RASSF8: variants seen among roughly 807,000 people sequenced by gnomAD.
RASSF8 encodes ras association domain-containing protein 8.
In RASSF8, 22 loss-of-function variants were observed where a neutral mutation model predicts 48.5. The observed-to-expected ratio is 0.45, with a 90% confidence interval of 0.32 to 0.65. The LOEUF (loss-of-function observed/expected upper bound fraction) is 0.65. RASSF8 is among the 30% of genes least tolerant of loss of function. The pLI is 0.03. For missense variants in RASSF8, 418 were observed against 489.2 expected (o/e 0.85, Z 1.37); for synonymous variants, 127 against 171.5 (o/e 0.74, Z 2.03).
chr12:26,009,434 A>G (rs973101976), intron 2 of RASSF8, among the ~76,000 whole-genome samples: 1 of 152,166 alleles, frequency 6.6e-6, no homozygotes, highest in Non-Finnish European at 1.5e-5. Flanking sequence ...ACTGGCATTT[A>G]GTGGATGGGT....
rs200867318 is a variant in RASSF8 at position 26,015,042 on chromosome 12, C to CAAA, written c.-109+19921_-109+19923dup. Reference sequence around the variant, plus strand: ...GCAACATAGTGAGACCCCGTCTGTCCAAAAAAAAAAATAGAAATTAGCCAG... The same window carrying CAAA: ...GCAACATAGTGAGACCCCGTCTGTCCAAAAAAAAAAAAAATAGAAATTAGCCAG... On this transcript the variant is annotated intron_variant, in intron 2 of 5. Transcript: ENST00000689635. 3.6e-4 allele frequency among the ~76,000 whole-genome samples: 51 copies of CAAA among 142,306 alleles called. No individual in the cohort carries two copies. In the South Asian group the frequency reaches 7.4e-3, roughly 21 times the overall value. The allele number at this position is 142,306 out of a possible 152,430, so 93.4% of individuals were successfully genotyped here.
At position 26,019,563 on chromosome 12, in the gene RASSF8, C is replaced by CTGTGTG. The variant is rs56895234; in HGVS notation, c.-109+24469_-109+24474dup. Among the ~76,000 whole-genome samples the CTGTGTG allele has an allele frequency of 1.6e-4, 23 of 148,306 alleles. 1 individual carries two copies. Among genetic ancestry groups the CTGTGTG allele is most frequent in the African/African-American group, 5.5e-4 (22 of 40,154 alleles). ...GCTTGTGTGGAAGTTCGGGCATACA[C>CTGTGTG]TGTGTGTGTGTGTGTGTGTGTGTGT... On this transcript the variant is annotated intron_variant, in intron 2 of 5. Transcript: ENST00000689635.
chr12:26,016,206 G>GTT (rs35863199), intron 2 of RASSF8, among the ~76,000 whole-genome samples: 4 of 144,074 alleles, frequency 2.8e-5, no homozygotes, highest in African/African-American at 5.1e-5. Flanking sequence ...CTGTTTTTGG[G>GTT]TTTTTTTTTT....
At chr12:26,019,462 CTG>C (rs762749096) in intron 2 of RASSF8, among the ~76,000 whole-genome samples, 2 of 151,942 alleles carry the variant, frequency 1.3e-5, no homozygotes, top group African/African-American at 2.4e-5. Flanking sequence ...ATTAAAATAA[CTG>C]TGGTGCAACA....
chr12:26,073,952 A>ATG (rs1441566674), downstream of RASSF8, among the ~76,000 whole-genome samples: 4 of 150,934 alleles, frequency 2.7e-5, no homozygotes, highest in East Asian at 1.9e-4. Context: ...TTTCCCATCT[A>ATG]TATATATAGA....
intron 2 of RASSF8, among the ~76,000 whole-genome samples, chr12:26,037,859 C>T (rs764155143): frequency 1.3e-5 from 2 of 152,144 alleles, no homozygotes; most frequent in South Asian, 4.1e-4. Context: ...TTTTCTCAGT[C>T]AGAGACTAAA....
At chr12:25,983,899 A>T (rs1941805620) in intron 1 of RASSF8, among the ~76,000 whole-genome samples, 1 of 152,158 alleles carries the variant, frequency 6.6e-6, no homozygotes, top group Non-Finnish European at 1.5e-5. Flanking sequence ...CAGCCTGTTG[A>T]CAGCCCTTTC....
At chr12:26,013,188 G>A (rs953093629) in intron 2 of RASSF8, among the ~76,000 whole-genome samples, 5 of 152,170 alleles carry the variant, frequency 3.3e-5, no homozygotes, top group African/African-American at 1.2e-4. Flanking sequence ...TCGCTGTGTG[G>A]TGTGTCTGCA....
intron 3 of RASSF8, among the ~76,000 whole-genome samples, chr12:26,057,204 T>TGTAAC (rs1943625875): frequency 6.6e-6 from 1 of 152,050 alleles, no homozygotes; most frequent in African/African-American, 2.4e-5. Flanking sequence ...CATATGTATA[T>TGTAAC]ATGTGCCATG....
At chr12:26,024,899 G>A (rs1462521448) in intron 2 of RASSF8, among the ~76,000 whole-genome samples, 1 of 152,110 alleles carries the variant, frequency 6.6e-6, no homozygotes, top group African/African-American at 2.4e-5. Flanking sequence ...GGAGCTTGCA[G>A]TGAGCCAAGA....
intron 2 of RASSF8, among the ~76,000 whole-genome samples, chr12:26,054,294 T>C (rs796653634): frequency 3.9e-5 from 6 of 152,274 alleles, no homozygotes; most frequent in African/African-American, 1.4e-4. Context: ...AACATTCTTA[T>C]CGATACAGGA....
chr12:25,983,047 A>C (rs994274274), intron 1 of RASSF8, among the ~76,000 whole-genome samples: 4 of 152,194 alleles, frequency 2.6e-5, no homozygotes, highest in Non-Finnish European at 5.9e-5. Context: ...AAGTTTTAAG[A>C]AATTTTAATG....
chr12:26,019,601 GTGTC>G (rs1180376293), intron 2 of RASSF8, among the ~76,000 whole-genome samples: 2 of 136,476 alleles, frequency 1.5e-5, no homozygotes, highest in African/African-American at 6.1e-5. Context: ...GTGTGTGTGT[GTGTC>G]TGTGTGTGTC....
intron 1 of RASSF8, among the ~76,000 whole-genome samples, chr12:25,977,915 G>A (rs1201292772): frequency 6.6e-6 from 1 of 152,200 alleles, no homozygotes; most frequent in African/African-American, 2.4e-5. Context: ...TTTCAAAAGA[G>A]CAGTCACTGA....
rs140046765 is a variant in RASSF8, at chr12:26,062,696, A to AAAAT, written c.104-1786_104-1783dup. 7.2e-5 allele frequency among the ~76,000 whole-genome samples: 11 copies of AAAAT among 152,228 alleles called. 1 individual carries two copies. The highest frequency in any genetic ancestry group is 2.1e-4 in the South Asian group (1 of 4,812). Reference sequence around the variant, plus strand: ...CAGATTGTTGGGCAAGGGAGGGGAAAAAATAAATAAATAAATAAAAGATCA... The same window carrying AAAAT: ...CAGATTGTTGGGCAAGGGAGGGGAAAAAATAAATAAATAAATAAATAAAAGATCA... On this transcript the variant is annotated intron_variant, in intron 3 of 5. Transcript: ENST00000689635.
chr12:26,069,059 C>G lies in RASSF8; in HGVS notation c.*241C>G. 1 of 1,159,592 alleles carries G rather than the reference C, an allele frequency of 8.6e-7. No individual in the cohort carries two copies. Among genetic ancestry groups the G allele is most frequent in the Non-Finnish European group, 1.1e-6 (1 of 938,124 alleles). 71.8% of individuals were successfully genotyped at this position (1,159,592 alleles called of 1,614,324 possible). On this transcript the variant is annotated 3_prime_UTR_variant, in exon 6 of 6. Transcript: ENST00000689635. ...TCCAGCAGCTATAATGCAAAGCCTTCGTTTTTATTTGTAGCATTTTGAGAG... is the reference window on the plus strand; with the variant it reads ...TCCAGCAGCTATAATGCAAAGCCTTGGTTTTTATTTGTAGCATTTTGAGAG...
At chr12:26,024,793 A>G (rs1942867851) in intron 2 of RASSF8, among the ~76,000 whole-genome samples, 1 of 151,546 alleles carries the variant, frequency 6.6e-6, no homozygotes, top group Non-Finnish European at 1.5e-5. Flanking sequence ...TGTCTCTACT[A>G]AAAAATACAA....
At chr12:25,994,278 TAAAAA>T (rs57936692) in intron 1 of RASSF8, among the ~76,000 whole-genome samples, 1,438 of 139,026 alleles carry the variant, frequency 0.01, 15 homozygotes, top group Non-Finnish European at 0.017. Flanking sequence ...GATAGATTTT[TAAAAA>T]AAAAAAAAAT....
At chr12:26,033,642 A>G (rs1943072948) in intron 2 of RASSF8, among the ~76,000 whole-genome samples, 1 of 152,132 alleles carries the variant, frequency 6.6e-6, no homozygotes, top group Admixed American at 6.5e-5. Context: ...AATAGTATCC[A>G]TCTTCATAGA....
Sources: allele counts gnomAD v4.1 joint callset (sites outside exome capture counted in the v4.1 genomes callset), GRCh38; gene constraint gnomAD v4.1.1; transcripts MANE v1.5; gene names NCBI Gene and HGNC (gene_info 2026-07-23, HGNC 2026-07-21).